Variants in ERMP1 observed in about 807,000 individuals in gnomAD.
The protein encoded by ERMP1 is Felix-ina.
Under a neutral mutation model 92.0 loss-of-function variants are expected in ERMP1, and 86 were observed. The observed-to-expected ratio is 0.93, with a 90% CI of 0.79 to 1.12. The LOEUF (loss-of-function observed/expected upper bound fraction) is 1.12. ERMP1 is among the 50% of genes most tolerant of loss of function. ERMP1 has a pLI of 0.00. For synonymous variants in ERMP1, 530 were observed against 412.8 expected (o/e 1.28, Z -3.44); for missense variants, 1,342 against 1,116.3 (o/e 1.20, Z -2.88).
intron 5 of ERMP1, among the ~76,000 whole-genome samples, chr9:5,860,334 G>A (rs1319679433): frequency 6.6e-6 from 1 of 151,840 alleles, no homozygotes; most frequent in Admixed American, 6.6e-5. Flanking sequence ...ATTTATAACT[G>A]GGATAAATGC....
At chr9:5,845,853 A>T (rs1313825775) in intron 6 of ERMP1, among the ~76,000 whole-genome samples, 1 of 152,186 alleles carries the variant, frequency 6.6e-6, no homozygotes, top group African/African-American at 2.4e-5. Context: ...AGAACCATGG[A>T]CAGGTGTAAG....
chr9:5,817,939 T>C (rs980003926), intron 4 of ERMP1, among the ~76,000 whole-genome samples: 1 of 152,176 alleles, frequency 6.6e-6, no homozygotes, highest in Non-Finnish European at 1.5e-5. Flanking sequence ...GCCTGAAAAC[T>C]GACTGAATTT....
At chr9:5,809,869 AAC>A (rs1829023266) in intron 8 of ERMP1, 140 bp downstream of exon 8, 3 of 608,424 alleles carry the variant, frequency 4.9e-6, no homozygotes, top group Non-Finnish European at 5.8e-6. Context: ...TCAGAAAATT[AAC>A]ACAGTGTAGG....
intron 5 of ERMP1, among the ~76,000 whole-genome samples, chr9:5,861,537 G>T (rs1488661531): frequency 1.3e-5 from 2 of 151,928 alleles, no homozygotes; most frequent in East Asian, 3.9e-4. Context: ...ACTAAAAGCA[G>T]ATTCCTTTCT....
intron 11 of ERMP1, among the ~76,000 whole-genome samples, chr9:5,799,617 A>G (rs1451223830): frequency 2.0e-5 from 3 of 152,084 alleles, no homozygotes; most frequent in African/African-American, 7.2e-5. Context: ...TATACGAACC[A>G]TTATTTGAAC....
At chr9:5,793,421 A>G (rs1828285143) in intron 13 of ERMP1, among the ~76,000 whole-genome samples, 1 of 152,186 alleles carries the variant, frequency 6.6e-6, no homozygotes, top group South Asian at 2.1e-4. Flanking sequence ...AAAATAGTTA[A>G]CTAATATGGT....
intron 5 of ERMP1, among the ~76,000 whole-genome samples, chr9:5,861,984 T>A (rs940513730): frequency 1.3e-5 from 2 of 152,052 alleles, no homozygotes; most frequent in South Asian, 2.1e-4. Context: ...TAAAGTTTTT[T>A]AAAAAATCAC....
intron 10 of ERMP1, among the ~76,000 whole-genome samples, chr9:5,804,301 A>C (rs1828787858): frequency 6.6e-6 from 1 of 152,108 alleles, no homozygotes; most frequent in Non-Finnish European, 1.5e-5. Context: ...CATCAAACCA[A>C]AGCAAAACCT....
intron 6 of ERMP1, among the ~76,000 whole-genome samples, chr9:5,849,614 G>C (rs1231650890): frequency 6.6e-6 from 1 of 152,170 alleles, no homozygotes; most frequent in African/African-American, 2.4e-5. Context: ...GGTATTTGTA[G>C]ACTCAGATCA....
intron 2 of ERMP1, among the ~76,000 whole-genome samples, chr9:5,828,638 C>T (rs758316850): frequency 1.3e-5 from 2 of 152,194 alleles, no homozygotes; most frequent in Admixed American, 6.5e-5. Context: ...TTCTAAGCCA[C>T]CTCTTTGAGA....
At chr9:5,866,926 C>A (rs889293657) in intron 5 of ERMP1, among the ~76,000 whole-genome samples, 3 of 152,156 alleles carry the variant, frequency 2.0e-5, no homozygotes, top group Non-Finnish European at 4.4e-5. Flanking sequence ...TTGTTTGAGG[C>A]CAGGCACAGT....
chr9:5,803,681 A>T (rs569808242), intron 10 of ERMP1, among the ~76,000 whole-genome samples: 2 of 152,154 alleles, frequency 1.3e-5, no homozygotes, highest in Non-Finnish European at 2.9e-5. Context: ...GTCTCCTTCA[A>T]TCCTTACAAC....
chr9:5,794,166 T>G (rs1181643892), intron 13 of ERMP1, among the ~76,000 whole-genome samples: 1 of 151,900 alleles, frequency 6.6e-6, no homozygotes, highest in Non-Finnish European at 1.5e-5. Flanking sequence ...CATTTGGAGA[T>G]TAAAGAACAC....
chr9:5,798,309 C>T (rs917394948), intron 12 of ERMP1, among the ~76,000 whole-genome samples: 24 of 152,044 alleles, frequency 1.6e-4, no homozygotes, highest in African/African-American at 4.8e-4. Context: ...CTCCACCTCC[C>T]GGGTTCAAGC....
chr9:5,850,508 G>C (rs1830296851), intron 6 of ERMP1, among the ~76,000 whole-genome samples: 1 of 151,626 alleles, frequency 6.6e-6, no homozygotes, highest in Admixed American at 6.6e-5. Flanking sequence ...GCATGTGGCT[G>C]AGGAAACTGA....
At chr9:5,832,625 C>G in intron 1 of ERMP1, 65 bp downstream of exon 1, 1 of 1,260,972 alleles carries the variant, frequency 7.9e-7, no homozygotes, top group Non-Finnish European at 1.0e-6. Context: ...AGGTGCGGTG[C>G]CCCGGAGCCT....
chr9:5,824,002 C>T lies in ERMP1; in HGVS notation c.769-1G>A. On this transcript the variant is annotated splice_acceptor_variant, in intron 3 of 14. Coordinates refer to ENST00000339450, the MANE Select transcript of ERMP1 (RefSeq NM_024896.3). LOFTEE classifies it high-confidence loss of function. ...GCTGAGTAATGAAACCATGACTGGC[C>T]TTAAAGAGAAGGAAAGAAAACAAAT... The T allele has an allele frequency of 6.2e-7, 1 of 1,603,822 alleles. No homozygotes were observed. Among genetic ancestry groups the T allele is most frequent in the Non-Finnish European group, 8.5e-7 (1 of 1,175,288 alleles).
intron 6 of ERMP1, among the ~76,000 whole-genome samples, chr9:5,849,735 T>G (rs1188431430): frequency 6.6e-6 from 1 of 152,226 alleles, no homozygotes; most frequent in African/African-American, 2.4e-5. Context: ...AATAAATTAC[T>G]CTGTTCTAGC....
intron 1 of ERMP1, among the ~76,000 whole-genome samples, chr9:5,831,636 G>A (rs565666923): frequency 1.3e-5 from 2 of 152,248 alleles, no homozygotes; most frequent in African/African-American, 4.8e-5. Context: ...TAAAGACTAA[G>A]CAGGATAGAA....
Sources: gnomAD v4.1 joint callset for allele counts (sites outside exome capture counted in the v4.1 genomes callset) on GRCh38, gnomAD v4.1.1 for gene constraint, MANE v1.5 for transcripts, NCBI Gene and HGNC (gene_info 2026-07-23, HGNC 2026-07-21) for gene names.